The following SIN3B variants were observed in gnomAD, a reference collection of about 807,000 sequenced individuals.
SIN3B encodes the protein paired amphipathic helix protein Sin3b.
Under a neutral mutation model 120.2 loss-of-function variants are expected in SIN3B, and 19 were observed. The ratio of observed to expected loss-of-function variants is 0.16; its 90% CI spans 0.11 to 0.23. The LOEUF (loss-of-function observed/expected upper bound fraction) is 0.23. SIN3B is among the 10% of genes least tolerant of loss of function. The pLI is 1.00. For missense variants in SIN3B, 1,073 were observed against 1,573.0 expected, an observed-to-expected ratio of 0.68 and a Z score of 5.38; for synonymous variants, 654 against 653.2, an observed-to-expected ratio of 1.00 and a Z score of -0.02.
At chr19:16,830,063 G>A (rs1266899658) in intron 2 of SIN3B, among the ~76,000 whole-genome samples, 166 bp downstream of exon 2, 2 of 152,206 alleles carry the variant, frequency 1.3e-5, no homozygotes, top group African/African-American at 2.4e-5. Flanking sequence ...AATGGAAATG[G>A]GTAGTACCCA....
At chr19:16,873,165 T>G (rs1367847131) in intron 14 of SIN3B, among the ~76,000 whole-genome samples, 4 of 152,130 alleles carry the variant, frequency 2.6e-5, no homozygotes, top group Non-Finnish European at 5.9e-5. Context: ...ATGGCAAATG[T>G]GGCTGGGGCC....
In SIN3B at chr19:16,877,612, T is replaced by G. The variant is rs753671585; in HGVS notation, c.2927T>G (p.Phe976Cys). 6.2e-7 allele frequency: 1 copy of G among 1,611,928 alleles called. No homozygotes were observed. The highest frequency in any genetic ancestry group is 8.5e-7 in the Non-Finnish European group (1 of 1,179,344). The part of the protein sequence containing the change: ...EGASSSPTEG[F>C]LLKPVFLQRN... ...GCGTCCAGCTCGCCCACTGAGGGCTTCCTCCTGAAACCTGTGTTCCTGCAG... is the reference window on the plus strand; with the variant it reads ...GCGTCCAGCTCGCCCACTGAGGGCTGCCTCCTGAAACCTGTGTTCCTGCAG... The change falls in exon 17 of 19, where the codon TTC becomes TGC. Residue 976 changes from phenylalanine to cysteine, a missense_variant. Physicochemically the swap from Phe to Cys is radical, Grantham distance 205. This residue lies in a region of SIN3B where 311 missense variants were observed against 400.3 expected (regional missense o/e 0.78). Coordinates refer to ENST00000248054, the MANE Select transcript of SIN3B (RefSeq NM_001297595.2).
At chr19:16,839,187 C>T (rs1200982358) in intron 3 of SIN3B, among the ~76,000 whole-genome samples, 1 of 152,096 alleles carries the variant, frequency 6.6e-6, no homozygotes, top group Non-Finnish European at 1.5e-5. Context: ...AGGCTCGTCT[C>T]AAACTCCTGA....
Position 16,876,259 on chromosome 19 carries a change from C to G in SIN3B, c.2766+31C>G. On this transcript the variant is annotated intron_variant, in intron 15 of 18. Coordinates refer to ENST00000248054, the MANE Select transcript of SIN3B (RefSeq NM_001297595.2). The surrounding 1 kb of genome is among the most constrained non-coding windows in gnomAD (Gnocchi z 7.1). Reference sequence around the variant, plus strand: ...AGGAGGCCTGGGGCTGGGAACACGCCGGGAGGCCCGGCCGCTCACTCCGCT... The same window carrying G: ...AGGAGGCCTGGGGCTGGGAACACGCGGGGAGGCCCGGCCGCTCACTCCGCT... 6.3e-7 allele frequency: 1 copy of G among 1,590,054 alleles called. No homozygotes were observed.
At chr19:16,875,774 TTGGTCTGGTCTGGTC>T (rs546838576) in intron 14 of SIN3B, among the ~76,000 whole-genome samples, 9 of 147,986 alleles carry the variant, frequency 6.1e-5, no homozygotes, top group East Asian at 4.1e-4. Context: ...TCTGGTCTGT[TTGGTCTGGTCTGGTC>T]TGGTCTGGTC....
intron 8 of SIN3B, among the ~76,000 whole-genome samples, chr19:16,861,824 A>G (rs1375417805): frequency 3.3e-5 from 5 of 151,872 alleles, no homozygotes; most frequent in African/African-American, 1.2e-4. Flanking sequence ...GGTCCCAGCT[A>G]CTGAGGAGGC....
At chr19:16,830,650 T>C (rs947379222) in intron 2 of SIN3B, among the ~76,000 whole-genome samples, 5 of 152,210 alleles carry the variant, frequency 3.3e-5, no homozygotes, top group Non-Finnish European at 7.3e-5. Context: ...CTGGCCTGGT[T>C]TCCTTCCGGG....
In SIN3B at chr19:16,876,687, C is replaced by A; in HGVS notation, c.2859+109C>A. The A allele has an allele frequency of 1.3e-6, 1 of 797,652 alleles. No homozygotes were observed. Among genetic ancestry groups the A allele is most frequent in the Non-Finnish European group, 2.0e-6 (1 of 495,566 alleles). 49.4% of individuals were successfully genotyped at this position (797,652 alleles called of 1,614,324 possible). ...GGCCGCGCAGCATCCAGAGACCCTCCCTCTGCAGGCCACAGGCTCTCCTTG... is the reference window on the plus strand; with the variant it reads ...GGCCGCGCAGCATCCAGAGACCCTCACTCTGCAGGCCACAGGCTCTCCTTG... On this transcript the variant is annotated intron_variant, in intron 16 of 18. Transcript: ENST00000248054. This position sits in a 1 kb window ranked among gnomAD's most constrained non-coding sequence, Gnocchi z 7.1.
At chr19:16,840,846 A>G (rs1238523768) in intron 3 of SIN3B, among the ~76,000 whole-genome samples, 4 of 152,208 alleles carry the variant, frequency 2.6e-5, no homozygotes. Context: ...AGACAGTGCA[A>G]TGAGTAAAAT....
chr19:16,869,713 G>C lies in SIN3B; in HGVS notation c.2060G>C (p.Ser687Thr). The C allele has an allele frequency of 1.2e-6, 2 of 1,613,298 alleles. No homozygotes were observed. Among genetic ancestry groups the C allele is most frequent in the Non-Finnish European group, 1.7e-6 (2 of 1,179,992 alleles). ...GAGTCAGCTGATGAGGACCGGGACA[G>C]CCCCCAGGGGCAGACCACAGACCCC... Reference protein sequence around the residue: ...SEESADEDRDSPQGQTTDPSE... With the variant: ...SEESADEDRDTPQGQTTDPSE... The change falls in exon 13 of 19, where the codon AGC (serine) becomes ACC (threonine). Residue 687 changes from serine (S) to threonine (T), a missense_variant. This residue lies in a region of SIN3B where 169 missense variants were observed against 207.3 expected (regional missense o/e 0.82). Transcript: ENST00000248054.
rs745765809 is a variant in SIN3B at position 16,865,486 on chromosome 19, C to T, written c.1460C>T (p.Ala487Val). The change falls in exon 11 of 19, where the codon GCG becomes GTG. Residue 487 changes from alanine (A) to valine (V), a missense_variant. Physicochemically the swap from Ala to Val is moderately conservative, Grantham distance 64 (BLOSUM62 0). Coordinates refer to ENST00000248054, the MANE Select transcript of SIN3B (RefSeq NM_001297595.2). ...GTGCAGAAGAAGCTGTCTCGGATGG[C>T]GCCGGAAGACCAGGAGAAGTTCCGG... ...ESVQKKLSRM[A>V]PEDQEKFRLD... is the part of the protein sequence containing the mutation. The T allele has an allele frequency of 1.9e-6, 3 of 1,613,414 alleles. No homozygotes were observed. The highest frequency in any genetic ancestry group is 1.1e-5 in the South Asian group (1 of 91,046).
intron 8 of SIN3B, among the ~76,000 whole-genome samples, chr19:16,861,193 G>T (rs886853984): frequency 6.6e-6 from 1 of 152,178 alleles, no homozygotes; most frequent in Non-Finnish European, 1.5e-5. Context: ...ATGAGAGGAA[G>T]ACTGTGGATC....
At chr19:16,850,742 T>C (rs1971533724) in intron 5 of SIN3B, among the ~76,000 whole-genome samples, 1 of 152,178 alleles carries the variant, frequency 6.6e-6, no homozygotes, top group African/African-American at 2.4e-5. Flanking sequence ...CTGTCCAGCC[T>C]TCCAGTATGT....
chr19:16,861,763 C>CCA (rs1166622984), intron 8 of SIN3B, among the ~76,000 whole-genome samples: 12 of 74,472 alleles, frequency 1.6e-4, no homozygotes, highest in African/African-American at 6.9e-4. Context: ...AACTCTGTCT[C>CCA]AAAAAAAAAA....
At chr19:16,841,666 C>A in intron 3 of SIN3B, 102 bp from the exon 4 acceptor site, 1 of 1,126,818 alleles carries the variant, frequency 8.9e-7, no homozygotes, top group Non-Finnish European at 1.3e-6. Flanking sequence ...TGGCTCCGTG[C>A]TGAGTTTTTT....
chr19:16,831,858 AAGAT>A (rs1971283133), intron 3 of SIN3B, among the ~76,000 whole-genome samples: 1 of 152,202 alleles, frequency 6.6e-6, no homozygotes, highest in South Asian at 2.1e-4. Flanking sequence ...ATCTGTTTGG[AAGAT>A]TTAAATCAAG....
chr19:16,854,283 G>A, intron 8 of SIN3B, 22 bp downstream of exon 8: 2 of 1,525,810 alleles, frequency 1.3e-6, no homozygotes, highest in East Asian at 2.3e-5. Flanking sequence ...ACTTCCCAGG[G>A]CTCCCTAGGG....
At chr19:16,864,184 C>T (rs1971728779) in intron 10 of SIN3B, among the ~76,000 whole-genome samples, 1 of 152,032 alleles carries the variant, frequency 6.6e-6, no homozygotes, top group African/African-American at 2.4e-5. Flanking sequence ...ATCCCAGCTA[C>T]TCGAGAGGCA....
At position 16,841,882 on chromosome 19, in the gene SIN3B, A is replaced by C. The variant is rs1971422601; in HGVS notation, c.496A>C (p.Ile166Leu). 1 of 1,614,036 alleles carries C rather than the reference A, an allele frequency of 6.2e-7. No homozygotes were observed. The highest frequency in any genetic ancestry group is 1.3e-5 in the African/African-American group (1 of 74,912). ...CGATTCCGTGGAATTCAACAACGCC[A>C]TCAGCTATGTGAATAAGATTAAAAC... is the stretch of plus-strand genomic sequence containing the variant. ...ESDSVEFNNA[I>L]SYVNKIKTRF... is the part of the protein sequence containing the mutation. Residue 166 changes from isoleucine to leucine, a missense_variant, in exon 4 of 19, where the codon ATC (isoleucine) becomes CTC (leucine). Ile to Leu is a conservative substitution (Grantham distance 5). Transcript: ENST00000248054.
Sources: allele counts gnomAD v4.1 joint callset (sites outside exome capture counted in the v4.1 genomes callset), GRCh38; gene constraint gnomAD v4.1.1; regional missense constraint gnomAD v4.1.1; non-coding constraint Gnocchi (gnomAD v3.1); transcripts MANE v1.5; gene names NCBI Gene and HGNC (gene_info 2026-07-23, HGNC 2026-07-21).